The following IGFL2 variants were observed in gnomAD, a reference collection of about 807,000 sequenced individuals.
IGFL2 encodes the protein insulin growth factor-like family member 2.
Under a neutral mutation model 13.9 loss-of-function variants are expected in IGFL2, and 7 were observed. The ratio of observed to expected loss-of-function variants is 0.51; its 90% CI spans 0.29 to 0.95. IGFL2 has a LOEUF of 0.95. Among genes scored for constraint, IGFL2 ranks in the 40% least tolerant of loss-of-function variants. The probability of loss-of-function intolerance (pLI) is 0.08; values close to 1 mark genes in which losing one functional copy is unlikely to be tolerated. For synonymous variants in IGFL2, 55 were observed against 55.8 expected (o/e 0.99, Z 0.07); for missense variants, 138 against 147.8 (o/e 0.93, Z 0.34).
At chr19:46,079,377 C>A in the IGFL2 span, among the ~76,000 whole-genome samples, 13 of 152,224 alleles carry the variant, frequency 8.5e-5, no homozygotes, top group Non-Finnish European at 1.6e-4. Context: ...TCAAGAGTTC[C>A]CCGCCTAGAA....
At chr19:46,192,739 A>G in the IGFL2 span, among the ~76,000 whole-genome samples, 1 of 152,242 alleles carries the variant, frequency 6.6e-6, no homozygotes, top group East Asian at 1.9e-4. Context: ...TTTAAATAGA[A>G]TTATTTGAAG....
the IGFL2 span, chr19:46,207,455 C>T: frequency 6.6e-6 from 1 of 151,962 alleles, no homozygotes. Context: ...GATCTCAGCT[C>T]ACTGCAACCT....
chr19:46,192,061 C>T, the IGFL2 span, among the ~76,000 whole-genome samples: 1 of 152,250 alleles, frequency 6.6e-6, no homozygotes, highest in South Asian at 2.1e-4. Flanking sequence ...TTGTCTTTCT[C>T]CTTGGAGTGA....
At chr19:46,153,418 T>C (rs920835097) in intron 1 of IGFL2, among the ~76,000 whole-genome samples, 3 of 152,244 alleles carry the variant, frequency 2.0e-5, no homozygotes, top group African/African-American at 7.2e-5. Context: ...ATTTCCCTAA[T>C]GTAAGTAATG....
chr19:46,086,822 G>A, the IGFL2 span, among the ~76,000 whole-genome samples: 1 of 152,154 alleles, frequency 6.6e-6, no homozygotes, highest in Non-Finnish European at 1.5e-5. Context: ...TGTTGGTTGG[G>A]TAGGGAATTT....
the IGFL2 span, among the ~76,000 whole-genome samples, chr19:46,090,810 G>A: frequency 4.6e-5 from 7 of 152,182 alleles, no homozygotes; most frequent in Admixed American, 2.6e-4. Context: ...TCTGGTTCCC[G>A]GGCAGCTCTG....
chr19:46,083,347 G>A, the IGFL2 span, among the ~76,000 whole-genome samples: 1 of 152,188 alleles, frequency 6.6e-6, no homozygotes. Context: ...TGGAAATCTA[G>A]GCAGCTGTAA....
chr19:46,090,954 A>G, the IGFL2 span, among the ~76,000 whole-genome samples: 2 of 152,176 alleles, frequency 1.3e-5, no homozygotes, highest in African/African-American at 2.4e-5. Context: ...TCCACCAAGC[A>G]GACAGTATGT....
At chr19:46,203,026 A>G in the IGFL2 span, 2 of 152,394 alleles carry the variant, frequency 1.3e-5, no homozygotes, top group East Asian at 3.9e-4. Flanking sequence ...TTGTGTGAGC[A>G]ACAAGACTGT....
the IGFL2 span, among the ~76,000 whole-genome samples, chr19:46,132,228 A>G: frequency 5.3e-5 from 8 of 152,102 alleles, no homozygotes; most frequent in East Asian, 7.7e-4. Flanking sequence ...TTTCTGAGCA[A>G]CTTTGGTGAC....
At chr19:46,098,788 C>G in the IGFL2 span, among the ~76,000 whole-genome samples, 1 of 152,174 alleles carries the variant, frequency 6.6e-6, no homozygotes, top group African/African-American at 2.4e-5. Flanking sequence ...CAGGCCCAAT[C>G]TGTGTCTTTT....
the IGFL2 span, among the ~76,000 whole-genome samples, chr19:46,197,639 C>G: frequency 2.0e-5 from 3 of 152,152 alleles, no homozygotes; most frequent in Non-Finnish European, 4.4e-5. Context: ...TCAAGCGATC[C>G]TCACACCTCA....
At chr19:46,179,146 T>C in the IGFL2 span, among the ~76,000 whole-genome samples, 1 of 143,228 alleles carries the variant, frequency 7.0e-6, no homozygotes. Flanking sequence ...GATGCAGGGG[T>C]CTGGGCAGAA....
chr19:46,124,585 AATGAG>A, the IGFL2 span: 1 of 1,576,286 alleles, frequency 6.3e-7, no homozygotes, highest in Non-Finnish European at 8.7e-7. Flanking sequence ...CTGCACTGGG[AATGAG>A]ATGAGATGAT....
the IGFL2 span, among the ~76,000 whole-genome samples, chr19:46,093,663 A>G: frequency 0.048 from 7,274 of 152,276 alleles, 262 homozygotes; most frequent in Non-Finnish European, 0.071. Flanking sequence ...AATTCATAGG[A>G]CAAATAAATT....
chr19:46,102,917 T>A, the IGFL2 span, among the ~76,000 whole-genome samples: 1 of 152,098 alleles, frequency 6.6e-6, no homozygotes, highest in Non-Finnish European at 1.5e-5. Flanking sequence ...GTGGGAAAGA[T>A]TAAAGAAAGA....
the IGFL2 span, chr19:46,124,635 G>A: frequency 6.2e-7 from 1 of 1,609,320 alleles, no homozygotes; most frequent in Non-Finnish European, 8.5e-7. Context: ...CCAAGATGCA[G>A]CATCGTGGCC....
chr19:46,113,598 T>G, the IGFL2 span: 10 of 284,594 alleles, frequency 3.5e-5, no homozygotes, highest in Non-Finnish European at 6.6e-5. Context: ...GCTTGAAGAC[T>G]TTTGGCTCCA....
At chr19:46,201,158 C>T in the IGFL2 span, among the ~76,000 whole-genome samples, 1 of 152,296 alleles carries the variant, frequency 6.6e-6, no homozygotes, top group Admixed American at 6.5e-5. Context: ...CTGCAGGCCC[C>T]TCGTGATTGC....
Sources: allele counts gnomAD v4.1 joint callset (sites outside exome capture counted in the v4.1 genomes callset), GRCh38; gene constraint gnomAD v4.1.1; transcripts MANE v1.5; gene names NCBI Gene and HGNC (gene_info 2026-07-23, HGNC 2026-07-21).